PHACTR1: variants seen among roughly 807,000 people sequenced by gnomAD.
The protein encoded by PHACTR1 is RPEL repeat containing 1.
Under a neutral mutation model 69.2 loss-of-function variants are expected in PHACTR1, and 16 were observed. That is an observed-to-expected ratio of 0.23 (90% CI 0.16 to 0.35). The LOEUF (loss-of-function observed/expected upper bound fraction) is 0.35. Among genes scored for constraint, PHACTR1 ranks in the 10% least tolerant of loss-of-function variants. The pLI is 1.00. For synonymous variants in PHACTR1, 312 were observed against 284.5 expected, an observed-to-expected ratio of 1.10 and a Z score of -0.97; for missense variants, 510 against 734.7, an observed-to-expected ratio of 0.69 and a Z score of 3.54.
At chr6:12,873,697 A>C (rs1426760833) in intron 4 of PHACTR1, among the ~76,000 whole-genome samples, 1 of 152,198 alleles carries the variant, frequency 6.6e-6, no homozygotes, top group African/African-American at 2.4e-5. Context: ...GCCTGGAGTC[A>C]AGGGAAGAGG....
At chr6:12,742,413 G>T (rs957596501) in intron 3 of PHACTR1, among the ~76,000 whole-genome samples, 2 of 152,124 alleles carry the variant, frequency 1.3e-5, no homozygotes, top group Non-Finnish European at 2.9e-5. Context: ...AATGAGAAGT[G>T]AGGACAACCA....
Position 12,718,802 on chromosome 6 carries a change from G to A in PHACTR1, c.58G>A (p.Asp20Asn), listed in dbSNP as rs1212914937. The stretch of plus-strand genomic sequence containing the variant: ...TGTAGAGTCTGCTCACAGACTCTTG[G>A]ATGTTGAGTCAGCTCAAAGATTCTT... ...LDVESAHRLL[D>N]VESAQRFFYS... Residue 20 changes from aspartate to asparagine, a missense_variant, in exon 3 of 15, where the codon GAT (aspartate) becomes AAT (asparagine). This residue lies in a region of PHACTR1 where 419 missense variants were observed against 530.9 expected (regional missense o/e 0.79). Coordinates refer to ENST00000332995, the MANE Select transcript of PHACTR1 (RefSeq NM_030948.6). 6.4e-7 allele frequency: 1 copy of A among 1,573,690 alleles called. No individual in the cohort carries two copies. Among genetic ancestry groups the A allele is most frequent in the Non-Finnish European group, 8.6e-7 (1 of 1,157,126 alleles).
chr6:13,270,297 C>T (rs183611493), intron 10 of PHACTR1, among the ~76,000 whole-genome samples: 201 of 152,272 alleles, frequency 1.3e-3, no homozygotes, highest in Middle Eastern at 3.4e-3. Flanking sequence ...TGGGTGCCAC[C>T]CTCCCAACAG....
At chr6:13,128,501 C>T (rs1819904364) in intron 5 of PHACTR1, among the ~76,000 whole-genome samples, 1 of 151,178 alleles carries the variant, frequency 6.6e-6, no homozygotes, top group Non-Finnish European at 1.5e-5. Flanking sequence ...TAGATATATA[C>T]AAAATGCAGT....
At chr6:13,133,081 C>A (rs534045493) in intron 5 of PHACTR1, among the ~76,000 whole-genome samples, 1 of 152,266 alleles carries the variant, frequency 6.6e-6, no homozygotes, top group East Asian at 1.9e-4. Context: ...ATGTTCACAG[C>A]ATCTTTATCA....
At chr6:13,078,243 A>G (rs1810845965) in intron 5 of PHACTR1, among the ~76,000 whole-genome samples, 1 of 152,130 alleles carries the variant, frequency 6.6e-6, no homozygotes, top group Admixed American at 6.6e-5. Flanking sequence ...CATCTTGGTC[A>G]TTCCTTGGCT....
chr6:13,073,808 C>T (rs766369134), intron 5 of PHACTR1, among the ~76,000 whole-genome samples: 5 of 151,886 alleles, frequency 3.3e-5, no homozygotes, highest in Admixed American at 6.6e-5. Flanking sequence ...CCAGACTATC[C>T]CATAGGCAGT....
At chr6:12,964,271 T>C (rs989206594) in intron 4 of PHACTR1, among the ~76,000 whole-genome samples, 3 of 152,020 alleles carry the variant, frequency 2.0e-5, no homozygotes, top group African/African-American at 7.2e-5. Flanking sequence ...ATAAAACATG[T>C]ACATAAAATT....
chr6:12,903,011 G>C (rs545675850), intron 4 of PHACTR1, among the ~76,000 whole-genome samples: 1 of 152,096 alleles, frequency 6.6e-6, no homozygotes, highest in African/African-American at 2.4e-5. Flanking sequence ...TTCAACTTAC[G>C]AATTTGAGGT....
intron 3 of PHACTR1, among the ~76,000 whole-genome samples, chr6:12,721,603 T>A (rs1581410310): frequency 6.6e-6 from 1 of 152,130 alleles, no homozygotes; most frequent in Non-Finnish European, 1.5e-5. Flanking sequence ...TGTCCTTCAT[T>A]TCACTTTAAA....
At chr6:12,724,375 A>G (rs1762520890) in intron 3 of PHACTR1, among the ~76,000 whole-genome samples, 2 of 152,202 alleles carry the variant, frequency 1.3e-5, no homozygotes, top group African/African-American at 2.4e-5. Context: ...ACTTTGTATC[A>G]AGGGCTGCCC....
chr6:13,072,928 A>C (rs1273118881), intron 5 of PHACTR1, among the ~76,000 whole-genome samples: 1 of 152,140 alleles, frequency 6.6e-6, no homozygotes, highest in Non-Finnish European at 1.5e-5. Context: ...GTGAGGAATC[A>C]AGTAGGGAAG....
At chr6:12,842,126 GA>G (rs1052106525) in intron 4 of PHACTR1, among the ~76,000 whole-genome samples, 1 of 152,010 alleles carries the variant, frequency 6.6e-6, no homozygotes, top group Non-Finnish European at 1.5e-5. Context: ...AATAACATTG[GA>G]AAAAAATCTA....
At chr6:13,208,458 A>G (rs1766262456) in intron 8 of PHACTR1, among the ~76,000 whole-genome samples, 1 of 152,266 alleles carries the variant, frequency 6.6e-6, no homozygotes, top group Non-Finnish European at 1.5e-5. Flanking sequence ...AATGGAAAGA[A>G]CTAAACAGTA....
At chr6:12,871,636 A>C (rs547909064) in intron 4 of PHACTR1, among the ~76,000 whole-genome samples, 1 of 152,204 alleles carries the variant, frequency 6.6e-6, no homozygotes, top group South Asian at 2.1e-4. Context: ...AGAATACTTT[A>C]TGGGTAGTCA....
At chr6:12,822,578 G>T (rs183715159) in intron 4 of PHACTR1, among the ~76,000 whole-genome samples, 2 of 152,180 alleles carry the variant, frequency 1.3e-5, no homozygotes, top group Non-Finnish European at 2.9e-5. Flanking sequence ...CCTCGCCCCA[G>T]GCCTCCTCTC....
At chr6:12,878,216 T>A (rs1393298319) in intron 4 of PHACTR1, among the ~76,000 whole-genome samples, 1 of 152,194 alleles carries the variant, frequency 6.6e-6, no homozygotes, top group Non-Finnish European at 1.5e-5. Context: ...TTAGCTGATG[T>A]TTTGCCATGA....
intron 4 of PHACTR1, among the ~76,000 whole-genome samples, chr6:12,772,493 T>C (rs886558784): frequency 2.0e-5 from 3 of 152,176 alleles, no homozygotes; most frequent in African/African-American, 7.2e-5. Context: ...TCTGTGGAGA[T>C]TTTCTTTTGC....
chr6:13,125,045 CA>C (rs1336688224), intron 5 of PHACTR1, among the ~76,000 whole-genome samples: 4 of 152,084 alleles, frequency 2.6e-5, no homozygotes, highest in Admixed American at 2.6e-4. Context: ...GATAAAGGGG[CA>C]TAGAGGCATG....
Sources: allele counts gnomAD v4.1 joint callset (sites outside exome capture counted in the v4.1 genomes callset), GRCh38; gene constraint gnomAD v4.1.1; regional missense constraint gnomAD v4.1.1; transcripts MANE v1.5; gene names NCBI Gene and HGNC (gene_info 2026-07-23, HGNC 2026-07-21).